The following NAV3 variants were observed in gnomAD, a reference collection of about 807,000 sequenced individuals.
The protein encoded by NAV3 is neuron navigator 3, also known as pore membrane and/or filament interacting like protein 1.
NAV3 carries 87 observed loss-of-function variants against 244.7 expected under a neutral mutation model. That is an observed-to-expected ratio of 0.36 (90% confidence interval 0.30 to 0.42). NAV3 has a LOEUF of 0.42. NAV3 is among the 20% of genes least tolerant of loss of function. The probability of loss-of-function intolerance (pLI) is 1.00; values close to 1 mark genes in which losing one functional copy is unlikely to be tolerated. For synonymous variants in NAV3, 1,126 were observed against 1,042.2 expected (o/e 1.08, Z -1.55); for missense variants, 2,663 against 2,893.3 (o/e 0.92, Z 1.83).
chr12:78,122,329 T>G lies in NAV3; in HGVS notation c.4139T>G (p.Leu1380Arg). The G allele has an allele frequency of 6.2e-7, 1 of 1,614,100 alleles. No individual in the cohort carries two copies. The highest frequency in any genetic ancestry group is 8.5e-7 in the Non-Finnish European group (1 of 1,179,994). ...AGCTCTGAGTCCATTGACCTCCCCCTCAGCCATCATGGCTCCTTGTCTGGA... is the reference window on the plus strand; with the variant it reads ...AGCTCTGAGTCCATTGACCTCCCCCGCAGCCATCATGGCTCCTTGTCTGGA... Reference protein sequence around the residue: ...HTSSESIDLPLSHHGSLSGLT... With the variant: ...HTSSESIDLPRSHHGSLSGLT... Residue 1380 changes from leucine (L) to arginine (R), a missense_variant, in exon 16 of 40, where the codon CTC becomes CGC. Leu to Arg is a moderately radical substitution (Grantham distance 102, BLOSUM62 -2). Around this residue, in one of 6 missense-constraint regions of NAV3, gnomAD observed 354 missense variants for 413.0 expected, o/e 0.86. Transcript: ENST00000397909.
At chr12:77,796,563 C>T (rs1871415902) in intron 2 of NAV3, among the ~76,000 whole-genome samples, 2 of 152,128 alleles carry the variant, frequency 1.3e-5, no homozygotes, top group African/African-American at 4.8e-5. Context: ...AGGACTGAGT[C>T]CCATTTTGAA....
intron 12 of NAV3, among the ~76,000 whole-genome samples, chr12:78,106,095 T>G (rs1487146607): frequency 6.6e-6 from 1 of 151,688 alleles, no homozygotes; most frequent in Non-Finnish European, 1.5e-5. Context: ...ATTAATATAT[T>G]TAAATGTAGA....
intron 12 of NAV3, among the ~76,000 whole-genome samples, chr12:78,092,491 CTTTTTTTTTTTT>C (rs71088358): frequency 4.7e-5 from 3 of 64,008 alleles, no homozygotes; most frequent in Admixed American, 1.8e-4. Flanking sequence ...TAGTTATTTT[CTTTTTTTTTTTT>C]TTTTTTTTTT....
chr12:78,158,551 T>C (rs1434119926), intron 22 of NAV3, among the ~76,000 whole-genome samples: 1 of 152,128 alleles, frequency 6.6e-6, no homozygotes, highest in East Asian at 1.9e-4. Flanking sequence ...TGAAATAAAA[T>C]GTGATGGAAT....
chr12:78,195,759 C>T (rs909887667), intron 34 of NAV3, among the ~76,000 whole-genome samples: 2 of 151,974 alleles, frequency 1.3e-5, no homozygotes, highest in African/African-American at 4.8e-5. Context: ...TTCTTGACAC[C>T]CAGCAGCTAG....
chr12:77,902,030 C>T (rs990004583), intron 1 of NAV3, among the ~76,000 whole-genome samples: 2 of 152,148 alleles, frequency 1.3e-5, no homozygotes, highest in African/African-American at 4.8e-5. Flanking sequence ...TTGTCTCTAC[C>T]TTTACCTCTG....
intron 2 of NAV3, among the ~76,000 whole-genome samples, chr12:77,712,512 T>C (rs1376486049): frequency 1.3e-5 from 2 of 152,108 alleles, no homozygotes; most frequent in African/African-American, 4.8e-5. Flanking sequence ...GGTAAAAAAG[T>C]GGAATCATTA....
chr12:77,755,892 A>T (rs1178671467), intron 2 of NAV3, among the ~76,000 whole-genome samples: 1 of 151,754 alleles, frequency 6.6e-6, no homozygotes, highest in Non-Finnish European at 1.5e-5. Flanking sequence ...ATAATGTCGA[A>T]TTCAAAATAA....
intron 1 of NAV3, among the ~76,000 whole-genome samples, chr12:77,853,281 G>A (rs979131204): frequency 1.2e-4 from 18 of 152,294 alleles, no homozygotes; most frequent in African/African-American, 2.6e-4. Flanking sequence ...GATATCTTCC[G>A]TTGTGTTCAT....
intron 2 of NAV3, among the ~76,000 whole-genome samples, chr12:77,802,472 G>A (rs995230254): frequency 1.3e-5 from 2 of 152,160 alleles, no homozygotes; most frequent in African/African-American, 4.8e-5. Context: ...TGACTTTTAG[G>A]AAGGAAAGAC....
rs1472878731 is a variant in NAV3, at chr12:78,099,395, C to T, written c.2637-17377C>T. On this transcript the variant is annotated intron_variant, in intron 12 of 39. Transcript: ENST00000397909. ...TTTTTATGTGTGTATATACTACTTC[C>T]TAAAAATGACTTGACAGAAATCATC... is the stretch of plus-strand genomic sequence containing the variant. Among the ~76,000 whole-genome samples the T allele has an allele frequency of 2.0e-5, 3 of 151,596 alleles. No individual in the cohort carries two copies. In the East Asian group the frequency reaches 5.8e-4, roughly 29 times the overall value.
chr12:77,681,189 A>G (rs1782520815), intron 2 of NAV3, among the ~76,000 whole-genome samples: 1 of 152,218 alleles, frequency 6.6e-6, no homozygotes, highest in African/African-American at 2.4e-5. Context: ...GAATTTCAGT[A>G]AGTTCTCCAA....
At chr12:77,701,751 A>T (rs1316513072) in intron 2 of NAV3, among the ~76,000 whole-genome samples, 2 of 152,122 alleles carry the variant, frequency 1.3e-5, no homozygotes, top group Middle Eastern at 3.4e-3. Flanking sequence ...AGGTTGTTTT[A>T]GTAGCATGTT....
intron 9 of NAV3, 91 bp downstream of exon 9, chr12:78,021,953 GTTTTTAGTGC>G: frequency 1.5e-6 from 1 of 684,214 alleles, no homozygotes; most frequent in African/African-American, 1.8e-5. Context: ...GTGGTATACT[GTTTTTAGTGC>G]AAAAATGGAC....
chr12:77,718,334 G>A (rs1278409797), intron 2 of NAV3, among the ~76,000 whole-genome samples: 1 of 152,020 alleles, frequency 6.6e-6, no homozygotes, highest in East Asian at 1.9e-4. Context: ...AGAGACTGTT[G>A]TTTCACCATT....
At position 78,128,274 on chromosome 12, in the gene NAV3, A is replaced by AC. The variant is rs1956009865; in HGVS notation, c.4281-432_4281-431insC. ...AAAGAACTGTTTTTCCTTTAAAAAA[A>AC]AAAAAAAACAAAAGCTGCCAATATG... On this transcript the variant is annotated intron_variant, in intron 17 of 39. Coordinates refer to ENST00000397909, the MANE Select transcript of NAV3 (RefSeq NM_001024383.2). 9.2e-5 allele frequency among the ~76,000 whole-genome samples: 14 copies of AC among 151,602 alleles called. No individual in the cohort carries two copies. In the South Asian group the frequency reaches 2.9e-3, roughly 32 times the overall value.
intron 2 of NAV3, among the ~76,000 whole-genome samples, chr12:77,726,319 A>G (rs1876876807): frequency 1.3e-5 from 2 of 151,956 alleles, no homozygotes; most frequent in South Asian, 4.1e-4. Flanking sequence ...AGAATTTACC[A>G]TCATTTTCCT....
At chr12:77,580,980 A>G (rs696443) in intron 2 of NAV3, among the ~76,000 whole-genome samples, 1 of 152,120 alleles carries the variant, frequency 6.6e-6, no homozygotes, top group African/African-American at 2.4e-5. Context: ...TTCCCCTGCC[A>G]TACTTCTCCA....
chr12:77,952,546 G>A (rs1239369256), intron 3 of NAV3, among the ~76,000 whole-genome samples: 1 of 152,054 alleles, frequency 6.6e-6, no homozygotes, highest in Non-Finnish European at 1.5e-5. Flanking sequence ...TGTTGTGTCA[G>A]TCCTCCAATT....
Sources: allele counts gnomAD v4.1 joint callset (sites outside exome capture counted in the v4.1 genomes callset), GRCh38; gene constraint gnomAD v4.1.1; regional missense constraint gnomAD v4.1.1; transcripts MANE v1.5; gene names NCBI Gene and HGNC (gene_info 2026-07-23, HGNC 2026-07-21).